SORCS3: variants seen among roughly 807,000 people sequenced by gnomAD.
SORCS3 encodes the protein sortilin related VPS10 domain containing receptor 3, also known as VPS10 domain-containing receptor SorCS3.
In SORCS3, 57 loss-of-function variants were observed where a neutral mutation model predicts 146.3. The ratio of observed to expected loss-of-function variants is 0.39; its 90% CI spans 0.31 to 0.49. The LOEUF (loss-of-function observed/expected upper bound fraction) is 0.49. Among genes scored for constraint, SORCS3 ranks in the 20% least tolerant of loss-of-function variants. The probability of loss-of-function intolerance (pLI) is 0.92; values close to 1 mark genes in which losing one functional copy is unlikely to be tolerated. For missense variants in SORCS3, 1,341 were observed against 1,575.5 expected, an observed-to-expected ratio of 0.85 and a Z score of 2.52; for synonymous variants, 653 against 618.5, an observed-to-expected ratio of 1.06 and a Z score of -0.83.
intron 1 of SORCS3, among the ~76,000 whole-genome samples, chr10:104,818,360 T>TCTTCCTTCCTTCCTTCCTTCCTTCCTTC (rs34389949): frequency 0.023 from 3,197 of 139,582 alleles, 73 homozygotes; most frequent in Non-Finnish European, 0.033. Flanking sequence ...TCTTCTCCTT[T>TCTTCCTTCCTTCCTTCCTTCCTTCCTTC]CTTCCTTCCT....
intron 9 of SORCS3, among the ~76,000 whole-genome samples, chr10:105,153,203 G>A (rs2056179937): frequency 6.6e-6 from 1 of 151,930 alleles, no homozygotes; most frequent in African/African-American, 2.4e-5. Context: ...TGAGTAAATG[G>A]AATTATACAG....
chr10:105,163,501 G>T (rs1015455111), intron 11 of SORCS3, among the ~76,000 whole-genome samples: 9 of 152,148 alleles, frequency 5.9e-5, no homozygotes, highest in African/African-American at 1.4e-4. Context: ...AGCACTATTA[G>T]GTTGGGGGCC....
intron 3 of SORCS3, among the ~76,000 whole-genome samples, chr10:104,957,976 G>C (rs969644045): frequency 1.3e-5 from 2 of 152,088 alleles, no homozygotes; most frequent in Non-Finnish European, 2.9e-5. Flanking sequence ...CAGCCGAAGG[G>C]ATGATCCCAT....
chr10:104,900,103 C>G (rs980553314), intron 2 of SORCS3, among the ~76,000 whole-genome samples: 4 of 152,162 alleles, frequency 2.6e-5, no homozygotes, highest in Non-Finnish European at 4.4e-5. Flanking sequence ...AGCACTCCCA[C>G]CATAGTTCTT....
intron 1 of SORCS3, among the ~76,000 whole-genome samples, chr10:104,686,815 A>C: frequency 6.6e-6 from 1 of 152,152 alleles, no homozygotes; most frequent in Non-Finnish European, 1.5e-5. Context: ...CAGGATCCTC[A>C]TACATCTGTT....
At chr10:105,243,060 T>C (rs996324892) in intron 20 of SORCS3, among the ~76,000 whole-genome samples, 5 of 137,214 alleles carry the variant, frequency 3.6e-5, no homozygotes, top group Non-Finnish European at 7.7e-5. Context: ...TATTTATATA[T>C]TTATATATAT....
intron 20 of SORCS3, among the ~76,000 whole-genome samples, chr10:105,242,219 A>G (rs1453764792): frequency 6.9e-6 from 1 of 145,428 alleles, no homozygotes; most frequent in Non-Finnish European, 1.5e-5. Flanking sequence ...TGCATCTTCA[A>G]TATTACTTGT....
At chr10:104,734,917 G>A (rs1373561183) in intron 1 of SORCS3, among the ~76,000 whole-genome samples, 1 of 152,132 alleles carries the variant, frequency 6.6e-6, no homozygotes, top group Non-Finnish European at 1.5e-5. Context: ...ATGAGATGAA[G>A]TATGTGCAGG....
intron 4 of SORCS3, among the ~76,000 whole-genome samples, chr10:105,017,130 G>A (rs2055172578): frequency 1.3e-5 from 2 of 149,894 alleles, no homozygotes; most frequent in Non-Finnish European, 3.0e-5. Context: ...AAAGTTATTC[G>A]TTATAATGAA....
intron 1 of SORCS3, among the ~76,000 whole-genome samples, chr10:104,654,146 A>G (rs1446791612): frequency 6.6e-6 from 1 of 152,138 alleles, no homozygotes; most frequent in Non-Finnish European, 1.5e-5. Flanking sequence ...ATTCGTTTTT[A>G]TGGCTGAATA....
chr10:104,678,343 A>G lies in SORCS3; in HGVS notation c.627+36389A>G, dbSNP rs763443918. Among the ~76,000 whole-genome samples, 33 of 152,154 alleles carry G rather than the reference A, an allele frequency of 2.2e-4. 1 individual carries two copies. Among genetic ancestry groups the G allele is most frequent in the Non-Finnish European group, 1.5e-4 (10 of 68,030 alleles). On this transcript the variant is annotated intron_variant, in intron 1 of 26. Transcript: ENST00000369701. Reference sequence around the variant, plus strand: ...AGCTGTTAAGTGCGTTCCTATGTGTAAGCACGTACACATCCCTGGCACATA... The same window carrying G: ...AGCTGTTAAGTGCGTTCCTATGTGTGAGCACGTACACATCCCTGGCACATA...
rs1488165455 is a variant in SORCS3, at chr10:105,052,009, T to C, written c.1028+8881T>C. Reference sequence around the variant, plus strand: ...AGCTGTCTTAATGCTAAGACTAAAATGCAGTGTTCATATGGTGCACGTGGT... The same window carrying C: ...AGCTGTCTTAATGCTAAGACTAAAACGCAGTGTTCATATGGTGCACGTGGT... On this transcript the variant is annotated intron_variant, in intron 5 of 26. Transcript: ENST00000369701. 4.6e-5 allele frequency among the ~76,000 whole-genome samples: 7 copies of C among 152,234 alleles called. No homozygotes were observed. The East Asian group carries it at 1.2e-3, about 25-fold the overall frequency.
At chr10:105,073,627 T>G (rs1396997559) in intron 5 of SORCS3, among the ~76,000 whole-genome samples, 1 of 152,054 alleles carries the variant, frequency 6.6e-6, no homozygotes, top group Non-Finnish European at 1.5e-5. Context: ...GGGAACTATC[T>G]TCAGTTCTGG....
chr10:104,841,190 T>G (rs1385885698), intron 1 of SORCS3, among the ~76,000 whole-genome samples: 1 of 152,140 alleles, frequency 6.6e-6, no homozygotes, highest in African/African-American at 2.4e-5. Context: ...ATGAGGAAAC[T>G]AGTTATGAAT....
intron 8 of SORCS3, among the ~76,000 whole-genome samples, chr10:105,146,557 T>C (rs1436800380): frequency 6.6e-6 from 1 of 152,020 alleles, no homozygotes; most frequent in Admixed American, 6.6e-5. Flanking sequence ...GTACAGAATA[T>C]GGCCAAGCTA....
intron 3 of SORCS3, among the ~76,000 whole-genome samples, chr10:104,960,913 G>C (rs2054792086): frequency 6.6e-6 from 1 of 152,128 alleles, no homozygotes; most frequent in Admixed American, 6.6e-5. Context: ...ATAAGTATTA[G>C]TGACAATCTG....
At chr10:105,121,011 C>T (rs1298829379) in intron 7 of SORCS3, among the ~76,000 whole-genome samples, 2 of 152,130 alleles carry the variant, frequency 1.3e-5, no homozygotes, top group Non-Finnish European at 2.9e-5. Context: ...TGGAGGGAGC[C>T]AGCCTGTGAG....
At chr10:104,696,687 A>G (rs1325534255) in intron 1 of SORCS3, among the ~76,000 whole-genome samples, 1 of 86,008 alleles carries the variant, frequency 1.2e-5, no homozygotes, top group Non-Finnish European at 2.1e-5. Flanking sequence ...TATATAATAT[A>G]TAATATATAT....
intron 1 of SORCS3, among the ~76,000 whole-genome samples, chr10:104,655,063 G>C (rs1177325493): frequency 1.3e-5 from 2 of 152,226 alleles, no homozygotes; most frequent in East Asian, 3.9e-4. Flanking sequence ...GACCAGCCTG[G>C]CCAACATGGT....
Sources: gnomAD v4.1 joint callset for allele counts (sites outside exome capture counted in the v4.1 genomes callset) on GRCh38, gnomAD v4.1.1 for gene constraint, MANE v1.5 for transcripts, NCBI Gene and HGNC (gene_info 2026-07-23, HGNC 2026-07-21) for gene names.